The following CACNA1C variants were observed in gnomAD, a reference collection of about 807,000 sequenced individuals.
The protein encoded by CACNA1C is calcium voltage-gated channel subunit alpha1 C.
A neutral mutation model predicts 229.0 loss-of-function variants in CACNA1C; 30 were observed. That is an observed-to-expected ratio of 0.13 (90% CI 0.10 to 0.18). The LOEUF (loss-of-function observed/expected upper bound fraction) is 0.18. Among genes scored for constraint, CACNA1C ranks in the 10% least tolerant of loss-of-function variants. CACNA1C has a pLI of 1.00. For synonymous variants in CACNA1C, 1,114 were observed against 1,132.5 expected, an observed-to-expected ratio of 0.98 and a Z score of 0.33; for missense variants, 1,658 against 2,845.0, an observed-to-expected ratio of 0.58 and a Z score of 9.49.
At chr12:2,609,423 A>G (rs1369134852) in intron 27 of CACNA1C, among the ~76,000 whole-genome samples, 3 of 151,868 alleles carry the variant, frequency 2.0e-5, no homozygotes, top group African/African-American at 7.3e-5. Flanking sequence ...GACCCTCGCC[A>G]GGCCAGCCAG....
intron 3 of CACNA1C, among the ~76,000 whole-genome samples, chr12:2,235,786 G>A (rs745436837): frequency 1.3e-5 from 2 of 152,120 alleles, no homozygotes; most frequent in African/African-American, 2.4e-5. Context: ...GGAGCAGTCC[G>A]GTGCACCAGA....
chr12:2,660,457 C>A, intron 34 of CACNA1C: 1 of 153,818 alleles, frequency 6.5e-6, no homozygotes, highest in South Asian at 2.0e-4. Flanking sequence ...ACCCAAGACT[C>A]GGCATCTTCT....
At chr12:2,604,019 T>C (rs547738769) in intron 22 of CACNA1C, among the ~76,000 whole-genome samples, 1 of 152,274 alleles carries the variant, frequency 6.6e-6, no homozygotes, top group African/African-American at 2.4e-5. Context: ...TCTGTGAAGC[T>C]TTCCCTCCTT....
At position 2,143,251 on chromosome 12, in the gene CACNA1C, A is replaced by G. The variant is rs980147040; in HGVS notation, c.477+22821A>G. 2.0e-5 allele frequency among the ~76,000 whole-genome samples: 3 copies of G among 151,118 alleles called. No homozygotes were observed. In the Admixed American group the frequency reaches 2.0e-4, roughly 10 times the overall value. ...CCAAAGTGCTGGGATTCCAGGTGTG[A>G]GCCACCGCACCTGGCCTAGAAAATC... On this transcript the variant is annotated intron_variant, in intron 3 of 46. Transcript: ENST00000399655.
At chr12:2,432,761 C>G (rs1424404161) in intron 3 of CACNA1C, among the ~76,000 whole-genome samples, 1 of 152,172 alleles carries the variant, frequency 6.6e-6, no homozygotes, top group African/African-American at 2.4e-5. Flanking sequence ...AGGTCCTTCC[C>G]CCTCTTTGTG....
intron 4 of CACNA1C, among the ~76,000 whole-genome samples, chr12:2,452,791 T>C (rs2099390674): frequency 6.6e-6 from 1 of 152,258 alleles, no homozygotes; most frequent in Non-Finnish European, 1.5e-5. Flanking sequence ...GAACCTCTTT[T>C]ACTCCGATCA....
At chr12:2,480,769 C>T (rs966149758) in intron 5 of CACNA1C, among the ~76,000 whole-genome samples, 5 of 152,170 alleles carry the variant, frequency 3.3e-5, no homozygotes, top group Non-Finnish European at 5.9e-5. Context: ...CCTCCTTGAT[C>T]GTTTTCATAC....
chr12:2,619,849 T>C (rs1362240803), intron 29 of CACNA1C, among the ~76,000 whole-genome samples: 1 of 152,108 alleles, frequency 6.6e-6, no homozygotes, highest in African/African-American at 2.4e-5. Context: ...GACTCAATCA[T>C]GAATACAAGC....
At chr12:2,396,644 A>G (rs899378568) in intron 3 of CACNA1C, among the ~76,000 whole-genome samples, 7 of 152,226 alleles carry the variant, frequency 4.6e-5, no homozygotes, top group Admixed American at 3.9e-4. Context: ...TTGCCTTGTC[A>G]CCACCTATTA....
chr12:2,595,851 C>T lies in CACNA1C; in HGVS notation c.2664-23C>T, dbSNP rs1478139444. On this transcript the variant is annotated intron_variant, in intron 19 of 46. Transcript: ENST00000399655. The surrounding 1 kb of genome is among the most constrained non-coding windows in gnomAD (Gnocchi z 4.1). ...CCTTGTCTGCCTTGACTTGTCTCTC[C>T]TCCTGTCCCCTCTCCCGTACAGGTT... 3 of 1,610,458 alleles carry T rather than the reference C, an allele frequency of 1.9e-6. No individual in the cohort carries two copies. The highest frequency in any genetic ancestry group is 2.2e-5 in the East Asian group (1 of 44,722).
chr12:2,455,687 C>G (rs998727438), intron 4 of CACNA1C, among the ~76,000 whole-genome samples: 1 of 152,138 alleles, frequency 6.6e-6, no homozygotes, highest in Non-Finnish European at 1.5e-5. Flanking sequence ...AACACAGATG[C>G]CTTCAAGGTC....
chr12:2,129,576 A>G (rs1014544315), intron 3 of CACNA1C, among the ~76,000 whole-genome samples: 1 of 152,182 alleles, frequency 6.6e-6, no homozygotes, highest in Non-Finnish European at 1.5e-5. Flanking sequence ...ATTTAAGTAT[A>G]TTTGAAGGAA....
intron 1 of CACNA1C, among the ~76,000 whole-genome samples, chr12:2,105,169 G>A (rs893074345): frequency 2.0e-5 from 3 of 152,212 alleles, no homozygotes; most frequent in Non-Finnish European, 4.4e-5. Context: ...TCACTAGCAG[G>A]TGTGAATGCT....
Position 2,630,359 on chromosome 12 carries a change from G to A in CACNA1C, c.3829-3938G>A, listed in dbSNP as rs1180561555. 1.3e-5 allele frequency among the ~76,000 whole-genome samples: 2 copies of A among 152,160 alleles called. No homozygotes were observed. Among genetic ancestry groups the A allele is most frequent in the African/African-American group, 2.4e-5 (1 of 41,442 alleles). Reference sequence around the variant, plus strand: ...GCAAAAACAGAGAGAAGAGAGATGAGACAGCATCAAGCCCTTCCACTCCCG... The same window carrying A: ...GCAAAAACAGAGAGAAGAGAGATGAAACAGCATCAAGCCCTTCCACTCCCG... On this transcript the variant is annotated intron_variant, in intron 29 of 46. Coordinates refer to ENST00000399655, the MANE Select transcript of CACNA1C (RefSeq NM_000719.7). The surrounding 1 kb of genome is among the most constrained non-coding windows in gnomAD (Gnocchi z 5.4).
chr12:2,333,182 C>A (rs1475063172), intron 3 of CACNA1C, among the ~76,000 whole-genome samples: 1 of 151,058 alleles, frequency 6.6e-6, no homozygotes, highest in Non-Finnish European at 1.5e-5. Flanking sequence ...GTGCTGGGCA[C>A]TCCGGAATCT....
In CACNA1C at chr12:2,651,914, T is replaced by A; in HGVS notation, c.4074+146T>A. On this transcript the variant is annotated intron_variant, in intron 32 of 46. Transcript: ENST00000399655. This position sits in a 1 kb window ranked among gnomAD's most constrained non-coding sequence, Gnocchi z 5.4. ...AACTCGGCCGCTCTGCCTGGCTCCC[T>A]GTTTCCGCACCGAGAGGCCTAGACG... is the stretch of plus-strand genomic sequence containing the variant. 1 of 652,542 alleles carries A rather than the reference T, an allele frequency of 1.5e-6. No individual in the cohort carries two copies. The highest frequency in any genetic ancestry group is 2.5e-6 in the Non-Finnish European group (1 of 394,286). The allele number at this position is 652,542 out of a possible 1,614,324, so 40.4% of individuals were successfully genotyped here.
intron 3 of CACNA1C, among the ~76,000 whole-genome samples, chr12:2,141,209 G>A (rs1357540215): frequency 6.6e-6 from 1 of 151,294 alleles, no homozygotes; most frequent in African/African-American, 2.4e-5. Context: ...GTCAGCATGA[G>A]GAGTTTGTTG....
At chr12:2,299,470 G>A (rs1179011000) in intron 3 of CACNA1C, among the ~76,000 whole-genome samples, 4 of 152,040 alleles carry the variant, frequency 2.6e-5, no homozygotes, top group Non-Finnish European at 5.9e-5. Flanking sequence ...AGCTCTCATC[G>A]GATGCTTGGC....
At chr12:2,210,652 TG>T (rs563270752) in intron 3 of CACNA1C, among the ~76,000 whole-genome samples, 18 of 152,358 alleles carry the variant, frequency 1.2e-4, no homozygotes, top group Non-Finnish European at 2.6e-4. Flanking sequence ...AATGTTAGAC[TG>T]GCAGAATCTG....
Sources: gnomAD v4.1 joint callset for allele counts (sites outside exome capture counted in the v4.1 genomes callset) on GRCh38, gnomAD v4.1.1 for gene constraint, Gnocchi (gnomAD v3.1) non-coding constraint, MANE v1.5 for transcripts, NCBI Gene and HGNC (gene_info 2026-07-23, HGNC 2026-07-21) for gene names.